DLG2: variants seen among roughly 807,000 people sequenced by gnomAD.
The protein encoded by DLG2 is discs large MAGUK scaffold protein 2, also known as disks large homolog 2.
DLG2 carries 45 observed loss-of-function variants against 132.5 expected under a neutral mutation model. The observed-to-expected ratio is 0.34, with a 90% confidence interval of 0.27 to 0.44. DLG2 has a LOEUF of 0.44. Among genes scored for constraint, DLG2 ranks in the 20% least tolerant of loss-of-function variants. The pLI is 1.00. For synonymous variants in DLG2, 424 were observed against 419.6 expected (o/e 1.01, Z -0.13); for missense variants, 1,045 against 1,196.9 (o/e 0.87, Z 1.87).
intron 4 of DLG2, among the ~76,000 whole-genome samples, chr11:85,266,101 G>A (rs118101644): frequency 1.3e-5 from 2 of 152,212 alleles, no homozygotes; most frequent in African/African-American, 4.8e-5. Context: ...ACACACTGCT[G>A]TCCATAGACA....
intron 3 of DLG2, among the ~76,000 whole-genome samples, chr11:85,510,262 A>G (rs2094029714): frequency 6.6e-6 from 1 of 152,090 alleles, no homozygotes; most frequent in African/African-American, 2.4e-5. Context: ...CATACCAGGA[A>G]GAACTGATAG....
chr11:84,703,775 C>A (rs2059443492), intron 6 of DLG2, among the ~76,000 whole-genome samples: 1 of 148,180 alleles, frequency 6.7e-6, no homozygotes, highest in South Asian at 2.1e-4. Flanking sequence ...ATTTTTTAGA[C>A]TAGAAATGTC....
Position 83,906,077 on chromosome 11 carries a change from CTCTCTATA to C in DLG2, c.1496+24243_1496+24250del, listed in dbSNP as rs1397209370. On this transcript the variant is annotated intron_variant, in intron 15 of 27. Coordinates refer to ENST00000376104, the MANE Select transcript of DLG2 (RefSeq NM_001142699.3). ...TGTCTCTCTCTCTCTCTCTCTCTCT[CTCTCTATA>C]TATATATATATATATATATACATAT... Among the ~76,000 whole-genome samples, 37 of 97,184 alleles carry C rather than the reference CTCTCTATA, an allele frequency of 3.8e-4. 1 individual carries two copies. In the Middle Eastern group the frequency reaches 0.014, roughly 35 times the overall value. 63.8% of individuals were successfully genotyped at this position (97,184 alleles called of 152,430 possible).
chr11:83,997,897 C>A (rs182412817), intron 11 of DLG2, among the ~76,000 whole-genome samples: 5 of 151,528 alleles, frequency 3.3e-5, no homozygotes, highest in African/African-American at 1.2e-4. Context: ...TTTGGGAGGC[C>A]ATGGCGGGTG....
chr11:83,480,461 C>A, intron 22 of DLG2: 5 of 1,520,912 alleles, frequency 3.3e-6, no homozygotes, highest in Non-Finnish European at 3.5e-6. Flanking sequence ...CATTGAAGAG[C>A]AGCCAGAACG....
intron 9 of DLG2, among the ~76,000 whole-genome samples, chr11:84,107,954 G>A (rs2093082071): frequency 6.6e-6 from 1 of 152,148 alleles, no homozygotes; most frequent in South Asian, 2.1e-4. Context: ...CGTGTTATGG[G>A]ATTTTCTCCC....
At chr11:84,798,128 G>A (rs1298529772) in intron 6 of DLG2, among the ~76,000 whole-genome samples, 1 of 152,168 alleles carries the variant, frequency 6.6e-6, no homozygotes, top group African/African-American at 2.4e-5. Context: ...GATCTGAAGA[G>A]AATAGAGCAC....
At chr11:85,429,638 C>A (rs1321133388) in intron 3 of DLG2, among the ~76,000 whole-genome samples, 1 of 152,160 alleles carries the variant, frequency 6.6e-6, no homozygotes, top group South Asian at 2.1e-4. Context: ...CAGAGAAATG[C>A]AAATCAAAAC....
chr11:85,241,065 T>G (rs1276363559), intron 4 of DLG2, among the ~76,000 whole-genome samples: 1 of 151,740 alleles, frequency 6.6e-6, no homozygotes, highest in Non-Finnish European at 1.5e-5. Context: ...TTAGATATTA[T>G]TAATGCTTTT....
intron 6 of DLG2, among the ~76,000 whole-genome samples, chr11:84,644,103 T>C (rs1223028918): frequency 6.6e-6 from 1 of 152,156 alleles, no homozygotes; most frequent in Non-Finnish European, 1.5e-5. Context: ...TACGTGGCCG[T>C]CTATACATGA....
chr11:85,436,222 G>C (rs1013738013), intron 3 of DLG2, among the ~76,000 whole-genome samples: 3 of 152,062 alleles, frequency 2.0e-5, no homozygotes, highest in Non-Finnish European at 4.4e-5. Context: ...AGAAAACCTA[G>C]GCAATACCAT....
intron 21 of DLG2, among the ~76,000 whole-genome samples, chr11:83,497,350 C>T (rs1167241458): frequency 6.6e-6 from 1 of 152,114 alleles, no homozygotes; most frequent in Admixed American, 6.5e-5. Context: ...CGACACCAGC[C>T]TGATCAATAT....
chr11:85,241,244 AT>A (rs1403394885), intron 4 of DLG2, among the ~76,000 whole-genome samples: 2 of 151,788 alleles, frequency 1.3e-5, no homozygotes, highest in Non-Finnish European at 2.9e-5. Context: ...ATGATTTTAT[AT>A]CCAGCTTCCT....
intron 11 of DLG2, among the ~76,000 whole-genome samples, chr11:84,028,664 G>A (rs1299850509): frequency 6.6e-6 from 1 of 152,068 alleles, no homozygotes; most frequent in East Asian, 1.9e-4. Flanking sequence ...ATGGCCTCCT[G>A]CCTATTAAGG....
chr11:84,360,234 A>G (rs1444971910), intron 7 of DLG2, among the ~76,000 whole-genome samples: 3 of 151,630 alleles, frequency 2.0e-5, no homozygotes, highest in African/African-American at 7.3e-5. Flanking sequence ...ATCCAATTCT[A>G]AAAAAAATGT....
intron 15 of DLG2, among the ~76,000 whole-genome samples, chr11:83,906,257 T>TCTCTCTCTCTCTCTCTCACA: frequency 1.5e-5 from 1 of 67,192 alleles, no homozygotes; most frequent in East Asian, 5.4e-4. Context: ...TCTCTCTCTC[T>TCTCTCTCTCTCTCTCTCACA]CACACACACA....
At chr11:83,806,222 G>C (rs1479698966) in intron 17 of DLG2, among the ~76,000 whole-genome samples, 1 of 151,968 alleles carries the variant, frequency 6.6e-6, no homozygotes, top group Non-Finnish European at 1.5e-5. Flanking sequence ...ATGAATTTTG[G>C]TCCTTCTTTA....
rs187826489 is a variant in DLG2 at position 83,521,587 on chromosome 11, G to C, written c.2193+11121C>G. ...TGCCTGCTAGAGGATAGATTTAAAA[G>C]CATACATACAATTTTAATTTCCGGT... On this transcript the variant is annotated intron_variant, in intron 21 of 27. Transcript: ENST00000376104. 7.2e-5 allele frequency among the ~76,000 whole-genome samples: 11 copies of C among 152,222 alleles called. No homozygotes were observed. The East Asian group carries it at 2.1e-3, about 29-fold the overall frequency.
intron 7 of DLG2, among the ~76,000 whole-genome samples, chr11:84,396,589 G>A (rs777023721): frequency 1.3e-5 from 2 of 152,154 alleles, no homozygotes; most frequent in African/African-American, 4.8e-5. Flanking sequence ...ATGTGCATAC[G>A]TCAAAGAGAA....
Sources: allele counts gnomAD v4.1 joint callset (sites outside exome capture counted in the v4.1 genomes callset), GRCh38; gene constraint gnomAD v4.1.1; transcripts MANE v1.5; gene names NCBI Gene and HGNC (gene_info 2026-07-23, HGNC 2026-07-21).